The following ANOS1 variants were observed in gnomAD, a reference collection of about 807,000 sequenced individuals.
ANOS1 encodes the protein anosmin 1.
Under a neutral mutation model 59.0 loss-of-function variants are expected in ANOS1, and 6 were observed. The observed-to-expected ratio is 0.10, with a 90% CI of 0.06 to 0.20. The LOEUF is 0.20. Ranked by LOEUF, ANOS1 falls within the 10% of genes least tolerant of loss-of-function variation. The probability of loss-of-function intolerance (pLI) is 1.00; values close to 1 mark genes in which losing one functional copy is unlikely to be tolerated. For missense variants in ANOS1, 433 were observed against 542.3 expected (o/e 0.80, Z 2.00); for synonymous variants, 217 against 223.4 (o/e 0.97, Z 0.25).
intron 3 of ANOS1, among the ~76,000 whole-genome samples, chrX:8,616,032 C>T (rs909359079): frequency 1.1e-5 from 1 of 91,126 alleles, no homozygotes; most frequent in Non-Finnish European, 2.2e-5. Context: ...ATCTCATTTG[C>T]GCCCCTGATC....
At chrX:8,597,397 T>C in intron 3 of ANOS1, 141 bp from the exon 4 acceptor site, 1 of 534,119 alleles carries the variant, frequency 1.9e-6, no homozygotes, top group Non-Finnish European at 3.1e-6. Flanking sequence ...ATTTGTTTTC[T>C]TTTCTCCTAT....
intron 4 of ANOS1, among the ~76,000 whole-genome samples, chrX:8,590,859 G>C (rs1357779466): frequency 8.9e-6 from 1 of 111,996 alleles, no homozygotes; most frequent in Non-Finnish European, 1.9e-5. Flanking sequence ...TTTATCATAA[G>C]TATTCTGTAC....
At chrX:8,563,029 T>C (rs1031254038) in intron 8 of ANOS1, among the ~76,000 whole-genome samples, 2 of 112,386 alleles carry the variant, frequency 1.8e-5, no homozygotes, top group Admixed American at 1.9e-4. Flanking sequence ...AGTCACAGAC[T>C]AGTGTTTATG....
At position 8,567,172 on chromosome X, in the gene ANOS1, G is replaced by A. The variant is rs138275671; in HGVS notation, c.1207+1060C>T. On this transcript the variant is annotated intron_variant, in intron 8 of 13. Transcript: ENST00000262648. ...AAGTAACTTATTCTCTAAGATATGA[G>A]TGTCATATAAGAAAGACTCTTCTAT... is the stretch of plus-strand genomic sequence containing the variant. Among the ~76,000 whole-genome samples the A allele has an allele frequency of 3.7e-3, 411 of 112,218 alleles. 3 individuals carry two copies. The highest frequency in any genetic ancestry group is 5.6e-3 in the Non-Finnish European group (298 of 53,295).
At chrX:8,562,814 C>T (rs1930054068) in intron 8 of ANOS1, among the ~76,000 whole-genome samples, 1 of 112,328 alleles carries the variant, frequency 8.9e-6, no homozygotes, top group Non-Finnish European at 1.9e-5. Context: ...CATGAACATT[C>T]AGCCTTCACT....
At position 8,646,087 on chromosome X, in the gene ANOS1, C is replaced by T. The variant is rs1189632949; in HGVS notation, c.256-22417G>A. 5.3e-5 allele frequency among the ~76,000 whole-genome samples: 6 copies of T among 112,261 alleles called. No individual in the cohort carries two copies. The East Asian group carries it at 1.7e-3, about 32-fold the overall frequency. On this transcript the variant is annotated intron_variant, in intron 2 of 13. Transcript: ENST00000262648. ...GGGATTACAGGCGTGAGCCACCGTG[C>T]TGGGACAATTTTATTCTTTTAGGTT...
intron 2 of ANOS1, among the ~76,000 whole-genome samples, chrX:8,699,111 T>C (rs765482893): frequency 1.8e-5 from 2 of 111,449 alleles, no homozygotes; most frequent in Non-Finnish European, 3.8e-5. Flanking sequence ...TACCATCATA[T>C]ATATATTTAA....
chrX:8,590,507 T>G (rs1318245683), intron 4 of ANOS1, among the ~76,000 whole-genome samples: 6 of 111,600 alleles, frequency 5.4e-5, no homozygotes, highest in Non-Finnish European at 1.1e-4. Context: ...TTGCCCCCCT[T>G]CAATGTTGAG....
At chrX:8,655,829 T>C (rs1229991438) in intron 2 of ANOS1, among the ~76,000 whole-genome samples, 1 of 112,409 alleles carries the variant, frequency 8.9e-6, no homozygotes, top group Non-Finnish European at 1.9e-5. Flanking sequence ...CTAATACAAT[T>C]AGCAAAGGCT....
At chrX:8,663,027 TAAATAAAATA>T (rs756430633) in intron 2 of ANOS1, among the ~76,000 whole-genome samples, 3 of 109,331 alleles carry the variant, frequency 2.7e-5, no homozygotes, top group East Asian at 2.8e-4. Context: ...AATAAATAAA[TAAATAAAATA>T]AAATAAAATA....
intron 7 of ANOS1, 107 bp from the exon 8 acceptor site, chrX:8,568,483 C>A: frequency 1.4e-6 from 1 of 717,951 alleles, no homozygotes; most frequent in Non-Finnish European, 2.2e-6. Context: ...CTTCTGATTT[C>A]TTTTACCAAC....
chrX:8,708,317 T>A (rs1932791522), intron 1 of ANOS1, among the ~76,000 whole-genome samples: 1 of 111,445 alleles, frequency 9.0e-6, no homozygotes, highest in African/African-American at 3.3e-5. Flanking sequence ...ATCATCAGAG[T>A]GAACAGGCAA....
At chrX:8,668,430 T>TATATACACACAC (rs1394731479) in intron 2 of ANOS1, among the ~76,000 whole-genome samples, 1 of 80,244 alleles carries the variant, frequency 1.2e-5, no homozygotes. Flanking sequence ...TATATATATA[T>TATATACACACAC]ACACACACAT....
chrX:8,562,818 C>T (rs1930054214), intron 8 of ANOS1, among the ~76,000 whole-genome samples: 3 of 112,352 alleles, frequency 2.7e-5, no homozygotes, highest in Admixed American at 9.4e-5. Context: ...AACATTCAGC[C>T]TTCACTTGAA....
intron 2 of ANOS1, among the ~76,000 whole-genome samples, chrX:8,651,354 G>A (rs1330871457): frequency 2.7e-5 from 3 of 112,465 alleles, no homozygotes; most frequent in South Asian, 3.7e-4. Flanking sequence ...AACTGAATAC[G>A]TTAAGGTCTT....
At chrX:8,551,711 G>A (rs1929860058) in intron 9 of ANOS1, among the ~76,000 whole-genome samples, 1 of 111,457 alleles carries the variant, frequency 9.0e-6, no homozygotes, top group South Asian at 3.7e-4. Context: ...AGTGGCTCAC[G>A]CCTATAATCC....
chrX:8,569,658 A>G (rs1025755505), intron 7 of ANOS1, among the ~76,000 whole-genome samples: 9 of 112,015 alleles, frequency 8.0e-5, no homozygotes, highest in African/African-American at 2.9e-4. Context: ...AAATAAATAA[A>G]GTTAAAATAG....
Position 8,654,280 on chromosome X carries a change from T to C in ANOS1, c.256-30610A>G, listed in dbSNP as rs753381303. ...ACATGTGTAACCAAAAAGCAACCAA[T>C]AAAATTAAGTACGAATGTTCCCCAG... On this transcript the variant is annotated intron_variant, in intron 2 of 13. Coordinates refer to ENST00000262648, the MANE Select transcript of ANOS1 (RefSeq NM_000216.4). 2.1e-4 allele frequency among the ~76,000 whole-genome samples: 24 copies of C among 111,793 alleles called. 1 individual carries two copies. Among genetic ancestry groups the C allele is most frequent in the Non-Finnish European group, 3.0e-4 (16 of 53,177 alleles).
chrX:8,709,079 T>C (rs953762715), intron 1 of ANOS1, among the ~76,000 whole-genome samples: 4 of 107,167 alleles, frequency 3.7e-5, no homozygotes, highest in Non-Finnish European at 7.7e-5. Flanking sequence ...CACATGGACA[T>C]AGGGAAGGGA....
Sources: allele counts gnomAD v4.1 joint callset (sites outside exome capture counted in the v4.1 genomes callset), GRCh38; gene constraint gnomAD v4.1.1; transcripts MANE v1.5; gene names NCBI Gene and HGNC (gene_info 2026-07-23, HGNC 2026-07-21).